Variants in FSHR observed in about 807,000 individuals in gnomAD.
FSHR encodes the protein follicle stimulating hormone receptor.
Under a neutral mutation model 52.1 loss-of-function variants are expected in FSHR, and 46 were observed. The ratio of observed to expected loss-of-function variants is 0.88; its 90% CI spans 0.70 to 1.13. FSHR has a LOEUF of 1.13. Ranked by LOEUF, FSHR falls within the 50% of genes most tolerant of loss-of-function variation. The pLI is 0.00. For synonymous variants in FSHR, 399 were observed against 309.6 expected (o/e 1.29, Z -3.03); for missense variants, 964 against 834.6 (o/e 1.16, Z -1.91).
At chr2:49,106,822 C>T (rs546053905) in intron 1 of FSHR, among the ~76,000 whole-genome samples, 7 of 152,104 alleles carry the variant, frequency 4.6e-5, no homozygotes, top group Non-Finnish European at 8.8e-5. Context: ...TGGTGGTCTG[C>T]GAGAAGGCTA....
At chr2:49,051,981 A>T (rs1354634780) in intron 2 of FSHR, among the ~76,000 whole-genome samples, 2 of 152,186 alleles carry the variant, frequency 1.3e-5, no homozygotes, top group Non-Finnish European at 2.9e-5. Flanking sequence ...GAAAACAAAC[A>T]CTTTTGGGAT....
intron 1 of FSHR, among the ~76,000 whole-genome samples, chr2:49,087,098 T>TTTTTTTTTTA (rs1553342899): frequency 6.8e-6 from 1 of 146,958 alleles, no homozygotes; most frequent in Non-Finnish European, 1.5e-5. Context: ...TTTTTTTTTT[T>TTTTTTTTTTA]ACAAAGCTAC....
chr2:49,022,095 G>C (rs753243241), intron 2 of FSHR, among the ~76,000 whole-genome samples: 6 of 151,364 alleles, frequency 4.0e-5, no homozygotes, highest in Non-Finnish European at 8.8e-5. Context: ...AGGCATGCAG[G>C]AAAAGGCTAG....
intron 1 of FSHR, among the ~76,000 whole-genome samples, chr2:49,131,574 T>C (rs1162870718): frequency 3.3e-5 from 5 of 152,234 alleles, no homozygotes; most frequent in African/African-American, 1.2e-4. Context: ...ACATTTTGTT[T>C]CTTTCTACCT....
intron 4 of FSHR, among the ~76,000 whole-genome samples, chr2:49,000,594 C>T (rs770117849): frequency 3.0e-4 from 46 of 152,138 alleles, no homozygotes; most frequent in Non-Finnish European, 4.0e-4. Context: ...CTTAACCTCT[C>T]ATGCACATTG....
chr2:49,143,077 A>C lies in FSHR; in HGVS notation c.152+11189T>G, dbSNP rs189166058. Among the ~76,000 whole-genome samples the C allele has an allele frequency of 3.3e-5, 5 of 152,292 alleles. No individual in the cohort carries two copies. In the East Asian group the frequency reaches 9.7e-4, roughly 29 times the overall value. ...GGCACACATATTCTGAATGTAGGTG[A>C]TATTTAAAGCTGTCTGGATGAGCTC... On this transcript the variant is annotated intron_variant, in intron 1 of 9. Transcript: ENST00000406846.
At chr2:48,972,016 T>C (rs1380402018) in intron 8 of FSHR, among the ~76,000 whole-genome samples, 1 of 152,200 alleles carries the variant, frequency 6.6e-6, no homozygotes, top group Non-Finnish European at 1.5e-5. Flanking sequence ...GCGCTAAAAT[T>C]TGTATTTCTG....
intron 1 of FSHR, among the ~76,000 whole-genome samples, chr2:49,130,066 G>A (rs913923561): frequency 1.3e-5 from 2 of 152,120 alleles, no homozygotes; most frequent in African/African-American, 4.8e-5. Context: ...TATGATAAAT[G>A]TCTTGAGATC....
At chr2:49,061,783 T>G (rs28827576) in intron 2 of FSHR, among the ~76,000 whole-genome samples, 42 of 142,050 alleles carry the variant, frequency 3.0e-4, no homozygotes, top group Admixed American at 5.8e-4. Flanking sequence ...ACTCTATATA[T>G]TCATATATAA....
At chr2:48,977,001 A>C (rs952324392) in intron 8 of FSHR, among the ~76,000 whole-genome samples, 2 of 152,010 alleles carry the variant, frequency 1.3e-5, no homozygotes, top group South Asian at 2.1e-4. Context: ...TACCTAATGT[A>C]GATGATGGGT....
At chr2:49,123,708 CAG>C (rs1671898041) in intron 1 of FSHR, among the ~76,000 whole-genome samples, 1 of 152,060 alleles carries the variant, frequency 6.6e-6, no homozygotes, top group Admixed American at 6.6e-5. Context: ...ATTCAGATAA[CAG>C]AGACTTCCAT....
chr2:48,972,683 G>A (rs181657374), intron 8 of FSHR, among the ~76,000 whole-genome samples: 222 of 151,868 alleles, frequency 1.5e-3, no homozygotes, highest in African/African-American at 4.9e-3. Context: ...TCCCTGTTTT[G>A]TCTATAACAA....
chr2:49,139,061 A>G (rs1021804487), intron 1 of FSHR, among the ~76,000 whole-genome samples: 1 of 152,192 alleles, frequency 6.6e-6, no homozygotes, highest in Non-Finnish European at 1.5e-5. Flanking sequence ...TAGACAAATC[A>G]TTTCATTTCA....
chr2:49,120,341 G>A (rs1191326443), intron 1 of FSHR, among the ~76,000 whole-genome samples: 2 of 152,184 alleles, frequency 1.3e-5, no homozygotes, highest in Admixed American at 1.3e-4. Flanking sequence ...CATCTCCTAA[G>A]TCAGGATGGT....
At chr2:48,984,843 T>C (rs1675416376) in intron 6 of FSHR, among the ~76,000 whole-genome samples, 1 of 152,232 alleles carries the variant, frequency 6.6e-6, no homozygotes, top group South Asian at 2.1e-4. Context: ...AAACATAAAC[T>C]AATTTTAAAT....
intron 9 of FSHR, among the ~76,000 whole-genome samples, chr2:48,967,589 G>A (rs1181227047): frequency 6.6e-6 from 1 of 152,204 alleles, no homozygotes; most frequent in African/African-American, 2.4e-5. Flanking sequence ...GCTGATCTAT[G>A]AAGAGTGCCC....
intron 1 of FSHR, among the ~76,000 whole-genome samples, chr2:49,151,131 A>G (rs114158605): frequency 0.013 from 2,001 of 149,476 alleles, 36 homozygotes; most frequent in African/African-American, 0.047. Context: ...TTAAAATGTA[A>G]AGGATTACTC....
intron 4 of FSHR, among the ~76,000 whole-genome samples, chr2:49,004,455 A>C: frequency 6.6e-6 from 1 of 152,174 alleles, no homozygotes. Context: ...CTCTTTCCAT[A>C]CAGGGCCCCT....
At chr2:49,106,880 G>A (rs1256213044) in intron 1 of FSHR, among the ~76,000 whole-genome samples, 1 of 152,134 alleles carries the variant, frequency 6.6e-6, no homozygotes, top group East Asian at 1.9e-4. Context: ...GCTCTGTGGG[G>A]TCTGGAGCAG....
Sources: allele counts gnomAD v4.1 joint callset (sites outside exome capture counted in the v4.1 genomes callset), GRCh38; gene constraint gnomAD v4.1.1; transcripts MANE v1.5; gene names NCBI Gene and HGNC (gene_info 2026-07-23, HGNC 2026-07-21).